PPFIBP1: variants seen among roughly 807,000 people sequenced by gnomAD.
PPFIBP1 encodes the protein liprin-beta-1.
In PPFIBP1, 112 loss-of-function variants were observed where a neutral mutation model predicts 137.8. That is an observed-to-expected ratio of 0.81 (90% CI 0.70 to 0.95). The LOEUF (loss-of-function observed/expected upper bound fraction) is 0.95. Ranked by LOEUF, PPFIBP1 falls within the 40% of genes least tolerant of loss-of-function variation. PPFIBP1 has a pLI of 0.00. For synonymous variants in PPFIBP1, 378 were observed against 417.3 expected (o/e 0.91, Z 1.15); for missense variants, 1,083 against 1,196.6 (o/e 0.91, Z 1.40).
At chr12:27,538,955 G>A (rs1026863147) in intron 1 of PPFIBP1, among the ~76,000 whole-genome samples, 4 of 152,174 alleles carry the variant, frequency 2.6e-5, no homozygotes, top group Non-Finnish European at 5.9e-5. Flanking sequence ...ACCTGGGGGT[G>A]GGGGTGCTGC....
chr12:27,625,596 T>C (rs2056750774), intron 2 of PPFIBP1, among the ~76,000 whole-genome samples: 1 of 151,074 alleles, frequency 6.6e-6, no homozygotes, highest in Admixed American at 6.6e-5. Flanking sequence ...TTTTTTTTTT[T>C]TGGAGACAGA....
At chr12:27,651,435 G>A (rs2058868514) in intron 7 of PPFIBP1, among the ~76,000 whole-genome samples, 1 of 152,112 alleles carries the variant, frequency 6.6e-6, no homozygotes, top group Non-Finnish European at 1.5e-5. Context: ...CTCTTTGTCA[G>A]TTGCCTGTGT....
chr12:27,647,503 T>A (rs2058600572), intron 5 of PPFIBP1, among the ~76,000 whole-genome samples: 1 of 152,230 alleles, frequency 6.6e-6, no homozygotes, highest in South Asian at 2.1e-4. Context: ...ACATTCCTAA[T>A]CTACACGAAT....
intron 2 of PPFIBP1, among the ~76,000 whole-genome samples, chr12:27,585,732 T>C (rs950451241): frequency 1.3e-5 from 2 of 152,194 alleles, no homozygotes; most frequent in African/African-American, 4.8e-5. Context: ...ACCTGCTCTG[T>C]TCTACGGAGG....
At chr12:27,570,412 A>G (rs1336211149) in intron 1 of PPFIBP1, among the ~76,000 whole-genome samples, 1 of 152,200 alleles carries the variant, frequency 6.6e-6, no homozygotes, top group Admixed American at 6.5e-5. Context: ...TGGGGTATTA[A>G]AAGTCAGGCT....
chr12:27,647,661 G>T, intron 5 of PPFIBP1, 68 bp from the exon 6 acceptor site: 2 of 917,036 alleles, frequency 2.2e-6, no homozygotes, highest in Non-Finnish European at 3.2e-6. Flanking sequence ...GTTCCATTTA[G>T]AGAAATAACG....
At position 27,688,348 on chromosome 12, in the gene PPFIBP1, G is replaced by A; in HGVS notation, c.2421G>A (p.Met807Ile). The change falls in exon 26 of 30, where the codon ATG becomes ATA. Residue 807 changes from methionine to isoleucine, a missense_variant. Transcript: ENST00000228425. ...EVQKWTNHRV[M>I]EWLRSVDLAE... The stretch of plus-strand genomic sequence containing the variant: ...AGAAGTGGACTAACCATCGAGTGAT[G>A]GAGTGGCTGCGCTCCGTGGACTTGG... 3 of 1,614,142 alleles carry A rather than the reference G, an allele frequency of 1.9e-6. No homozygotes were observed. The highest frequency in any genetic ancestry group is 2.5e-6 in the Non-Finnish European group (3 of 1,179,986).
At chr12:27,679,414 C>T (rs11049093) in intron 19 of PPFIBP1, 75 bp from the exon 20 acceptor site, 2 of 1,422,270 alleles carry the variant, frequency 1.4e-6, no homozygotes, top group Admixed American at 2.1e-5. Flanking sequence ...CTTAACAGTT[C>T]TAGAACCAAG....
intron 2 of PPFIBP1, among the ~76,000 whole-genome samples, chr12:27,581,580 C>T (rs551228985): frequency 1.8e-4 from 28 of 152,294 alleles, no homozygotes; most frequent in African/African-American, 6.3e-4. Context: ...TTGTCCTTTG[C>T]GCCCTTTTCT....
At position 27,615,142 on chromosome 12, in the gene PPFIBP1, C is replaced by A. The variant is rs2055603327; in HGVS notation, c.-35-18220C>A. ...CATATTTATTGCCACTCTTTAGACCCCGAAAGCCTCAGCAGAGTGTATATC... is the reference window on the plus strand; with the variant it reads ...CATATTTATTGCCACTCTTTAGACCACGAAAGCCTCAGCAGAGTGTATATC... On this transcript the variant is annotated intron_variant, in intron 2 of 29. Transcript: ENST00000228425. Among the ~76,000 whole-genome samples, 3 of 152,264 alleles carry A rather than the reference C, an allele frequency of 2.0e-5. No individual in the cohort carries two copies. The South Asian group carries it at 6.2e-4, about 32-fold the overall frequency.
chr12:27,669,946 G>A (rs1013336527), intron 13 of PPFIBP1, among the ~76,000 whole-genome samples: 3 of 152,168 alleles, frequency 2.0e-5, no homozygotes, highest in African/African-American at 7.2e-5. Flanking sequence ...ACTTTCTGAG[G>A]CAAGTGAGAG....
chr12:27,528,428 G>T (rs1944023283), intron 1 of PPFIBP1, among the ~76,000 whole-genome samples: 1 of 152,150 alleles, frequency 6.6e-6, no homozygotes, highest in African/African-American at 2.4e-5. Context: ...CAAATTTATT[G>T]CAGTGCACGT....
intron 1 of PPFIBP1, among the ~76,000 whole-genome samples, chr12:27,569,635 A>G (rs140983749): frequency 6.6e-6 from 1 of 152,282 alleles, no homozygotes; most frequent in Non-Finnish European, 1.5e-5. Flanking sequence ...GGCTAACTGC[A>G]ACCTCTGCCT....
intron 2 of PPFIBP1, among the ~76,000 whole-genome samples, chr12:27,600,719 C>T (rs2053888363): frequency 6.6e-6 from 1 of 152,050 alleles, no homozygotes; most frequent in Non-Finnish European, 1.5e-5. Context: ...CCTTTGAGGA[C>T]AAAAACTTAT....
At chr12:27,609,494 C>G (rs1234755308) in intron 2 of PPFIBP1, among the ~76,000 whole-genome samples, 1 of 152,210 alleles carries the variant, frequency 6.6e-6, no homozygotes. Context: ...TTCACTACCT[C>G]CACCTTGTCC....
intron 1 of PPFIBP1, among the ~76,000 whole-genome samples, chr12:27,533,123 C>T (rs1449287898): frequency 6.6e-6 from 1 of 152,106 alleles, no homozygotes; most frequent in East Asian, 1.9e-4. Flanking sequence ...GACTCAGCCT[C>T]CCGAGTAGCT....
rs140669557 is a variant in PPFIBP1 at position 27,619,504 on chromosome 12, C to T, written c.-35-13858C>T. ...AGTGTAAAGGATGACAGGGTAATGA[C>T]TCACCCAGAAGATATTTTTATAGTT... On this transcript the variant is annotated intron_variant, in intron 2 of 29. Coordinates refer to ENST00000228425, the MANE Select transcript of PPFIBP1 (RefSeq NM_003622.4). Among the ~76,000 whole-genome samples the T allele has an allele frequency of 2.4e-3, 365 of 152,190 alleles. 4 individuals are homozygous for T. The highest frequency in any genetic ancestry group is 8.5e-3 in the African/African-American group (352 of 41,520).
chr12:27,558,262 TTTTTGTTTTG>T (rs58268682), intron 1 of PPFIBP1, among the ~76,000 whole-genome samples: 19 of 148,278 alleles, frequency 1.3e-4, no homozygotes, highest in South Asian at 6.4e-4. Flanking sequence ...CTGGGTTTTT[TTTTTGTTTTG>T]TTTTGTTTTG....
At chr12:27,568,430 C>A (rs1047268989) in intron 1 of PPFIBP1, among the ~76,000 whole-genome samples, 3 of 152,180 alleles carry the variant, frequency 2.0e-5, no homozygotes, top group African/African-American at 7.2e-5. Context: ...TTACTGCTTT[C>A]TGTAGAAGTT....
Sources: gnomAD v4.1 joint callset for allele counts (sites outside exome capture counted in the v4.1 genomes callset) on GRCh38, gnomAD v4.1.1 for gene constraint, MANE v1.5 for transcripts, NCBI Gene and HGNC (gene_info 2026-07-23, HGNC 2026-07-21) for gene names.